HDAC9: variants seen among roughly 807,000 people sequenced by gnomAD.
HDAC9 encodes histone deacetylase 9, also known as MEF-2 interacting transcription repressor (MITR) protein.
A neutral mutation model predicts 139.4 loss-of-function variants in HDAC9; 41 were observed. The ratio of observed to expected loss-of-function variants is 0.29; its 90% CI spans 0.23 to 0.38. HDAC9 has a LOEUF of 0.38. HDAC9 is among the 10% of genes least tolerant of loss of function. The pLI is 1.00. For missense variants in HDAC9, 1,147 were observed against 1,297.0 expected (o/e 0.88, Z 1.78); for synonymous variants, 517 against 476.2 (o/e 1.09, Z -1.12).
intron 12 of HDAC9, among the ~76,000 whole-genome samples, chr7:18,677,864 C>A (rs1398025260): frequency 6.6e-6 from 1 of 151,902 alleles, no homozygotes; most frequent in East Asian, 1.9e-4. Flanking sequence ...GTGTTCCATT[C>A]TATCAATTTG....
At chr7:18,765,417 G>A (rs563430924) in intron 15 of HDAC9, among the ~76,000 whole-genome samples, 72 of 151,972 alleles carry the variant, frequency 4.7e-4, no homozygotes, top group African/African-American at 1.7e-3. Flanking sequence ...GTCAGGAGAT[G>A]GAGACCAGGC....
At chr7:18,797,159 A>T (rs1038309484) in intron 17 of HDAC9, among the ~76,000 whole-genome samples, 1 of 152,232 alleles carries the variant, frequency 6.6e-6, no homozygotes, top group Non-Finnish European at 1.5e-5. Context: ...GCTCAAAGAC[A>T]TTAAGTAACC....
intron 25 of HDAC9, among the ~76,000 whole-genome samples, chr7:18,986,945 T>C (rs1340414182): frequency 6.6e-6 from 1 of 152,224 alleles, no homozygotes; most frequent in Non-Finnish European, 1.5e-5. Context: ...TGAAGTTGCT[T>C]ATCAGCTTAA....
intron 25 of HDAC9, among the ~76,000 whole-genome samples, chr7:18,977,703 G>A (rs541905913): frequency 6.6e-6 from 1 of 152,250 alleles, no homozygotes; most frequent in African/African-American, 2.4e-5. Context: ...GAGTCAAAGA[G>A]TGTAGCCTGG....
intron 1 of HDAC9, among the ~76,000 whole-genome samples, chr7:18,362,716 T>A (rs1226008828): frequency 2.0e-5 from 3 of 152,168 alleles, no homozygotes; most frequent in Non-Finnish European, 4.4e-5. Context: ...TGATATCAAC[T>A]TAACTTGCTG....
intron 2 of HDAC9, among the ~76,000 whole-genome samples, chr7:18,167,231 G>A (rs1051398494): frequency 4.7e-5 from 7 of 150,336 alleles, no homozygotes; most frequent in African/African-American, 1.5e-4. Context: ...TCACAGTTAA[G>A]TGATTCATTC....
chr7:18,473,815 G>C (rs760023416), intron 1 of HDAC9, among the ~76,000 whole-genome samples: 2 of 152,160 alleles, frequency 1.3e-5, no homozygotes, highest in Non-Finnish European at 2.9e-5. Context: ...GGTGTTAAAT[G>C]GTCTTAAAAT....
chr7:18,701,428 A>C (rs1201516448), intron 12 of HDAC9, among the ~76,000 whole-genome samples: 3 of 150,920 alleles, frequency 2.0e-5, no homozygotes, highest in East Asian at 3.9e-4. Context: ...AAAAAAAAAA[A>C]CACAACTGTA....
At chr7:18,552,011 A>T (rs1354476445) in intron 2 of HDAC9, among the ~76,000 whole-genome samples, 3 of 152,174 alleles carry the variant, frequency 2.0e-5, no homozygotes, top group Non-Finnish European at 4.4e-5. Flanking sequence ...TTGAGGCTAC[A>T]TGTTATTGTG....
intron 1 of HDAC9, among the ~76,000 whole-genome samples, chr7:18,150,449 TAC>T (rs960371678): frequency 6.6e-6 from 1 of 152,224 alleles, no homozygotes; most frequent in African/African-American, 2.4e-5. Context: ...GTGAATTGCA[TAC>T]ACACTGCAAT....
upstream of HDAC9, among the ~76,000 whole-genome samples, chr7:18,286,026 A>C (rs1797428325): frequency 6.6e-6 from 1 of 152,130 alleles, no homozygotes. Flanking sequence ...AGCAATTTTC[A>C]AACCTGTAAA....
chr7:18,879,026 TAGAGCCAAATGAGAAA>T (rs1799530777), intron 22 of HDAC9, among the ~76,000 whole-genome samples: 1 of 152,036 alleles, frequency 6.6e-6, no homozygotes, highest in African/African-American at 2.4e-5. Flanking sequence ...CAGTTAAGCC[TAGAGCCAAATGAGAAA>T]GGCAATCCCA....
chr7:18,095,265 T>C (rs1409565710), intron 1 of HDAC9, among the ~76,000 whole-genome samples: 1 of 152,152 alleles, frequency 6.6e-6, no homozygotes, highest in African/African-American at 2.4e-5. Flanking sequence ...GAATTCCTAC[T>C]GTAGTTTAGG....
rs535277542 is a variant in HDAC9, at chr7:18,116,362, A to G, written c.-97+29149A>G. Among the ~76,000 whole-genome samples, 11 of 152,290 alleles carry G rather than the reference A, an allele frequency of 7.2e-5. No homozygotes were observed. The East Asian group carries it at 1.9e-3, about 27-fold the overall frequency. The stretch of plus-strand genomic sequence containing the variant: ...CTTGCTAAAATTTTTTGAAAAGGAT[A>G]AAGTGATCAATTTATCTGTCAACTA... On this transcript the variant is annotated intron_variant, in intron 1 of 12. Transcript: ENST00000417496.
intron 22 of HDAC9, among the ~76,000 whole-genome samples, chr7:18,885,026 G>T (rs1800027943): frequency 6.6e-6 from 1 of 152,190 alleles, no homozygotes; most frequent in Non-Finnish European, 1.5e-5. Flanking sequence ...TCATGCAGTA[G>T]ATATGTAAAA....
At chr7:18,142,034 T>C (rs1785936750) in intron 1 of HDAC9, among the ~76,000 whole-genome samples, 1 of 152,150 alleles carries the variant, frequency 6.6e-6, no homozygotes, top group South Asian at 2.1e-4. Flanking sequence ...TCCTTTATTG[T>C]GTCAGGACTT....
chr7:18,688,833 A>G (rs1382936081), intron 12 of HDAC9, among the ~76,000 whole-genome samples: 2 of 151,942 alleles, frequency 1.3e-5, no homozygotes, highest in African/African-American at 4.8e-5. Context: ...TTACAGAGAA[A>G]GGTTAAGACA....
chr7:18,580,980 T>C (rs1030469133), intron 2 of HDAC9, among the ~76,000 whole-genome samples: 7 of 152,180 alleles, frequency 4.6e-5, no homozygotes, highest in African/African-American at 1.7e-4. Context: ...ATGATGAGCC[T>C]TTGTCACCCA....
At chr7:18,267,524 T>C (rs1409800642) in intron 2 of HDAC9, among the ~76,000 whole-genome samples, 1 of 152,122 alleles carries the variant, frequency 6.6e-6, no homozygotes, top group Non-Finnish European at 1.5e-5. Flanking sequence ...GAATTCTACC[T>C]ATAAGTGAGA....
Sources: gnomAD v4.1 joint callset for allele counts (sites outside exome capture counted in the v4.1 genomes callset) on GRCh38, gnomAD v4.1.1 for gene constraint, MANE v1.5 for transcripts, NCBI Gene and HGNC (gene_info 2026-07-23, HGNC 2026-07-21) for gene names.